PLCL2: variants seen among roughly 807,000 people sequenced by gnomAD.
PLCL2 encodes phospholipase C like 2.
PLCL2 carries 4 observed loss-of-function variants against 79.6 expected under a neutral mutation model. That is an observed-to-expected ratio of 0.05 (90% CI 0.02 to 0.11). PLCL2 has a LOEUF of 0.11. Ranked by LOEUF, PLCL2 falls within the 10% of genes least tolerant of loss-of-function variation. The pLI is 1.00. For missense variants in PLCL2, 895 were observed against 1,291.0 expected (o/e 0.69, Z 4.70); for synonymous variants, 484 against 457.7 (o/e 1.06, Z -0.73).
chr3:17,032,040 G>A (rs1403111001), intron 3 of PLCL2, among the ~76,000 whole-genome samples: 6 of 144,470 alleles, frequency 4.2e-5, no homozygotes, highest in Admixed American at 7.3e-5. Flanking sequence ...TGTTTATTTC[G>A]TGAAATAAGA....
rs150402220 is a variant in PLCL2 at position 17,009,131 on chromosome 3, C to G, written c.328-543C>G. On this transcript the variant is annotated intron_variant, in intron 1 of 5. Transcript: ENST00000615277. The surrounding 1 kb of genome is among the most constrained non-coding windows in gnomAD (Gnocchi z 4.0). ...TCCCGAGTAGGTGGGATTACAGGCA[C>G]CCGCCACCATGCCCGGCTAATTTTT... 3.3e-5 allele frequency among the ~76,000 whole-genome samples: 5 copies of G among 152,028 alleles called. No individual in the cohort carries two copies. The highest frequency in any genetic ancestry group is 2.1e-4 in the South Asian group (1 of 4,800).
intron 1 of PLCL2, among the ~76,000 whole-genome samples, chr3:16,976,628 G>C (rs1223936727): frequency 1.3e-5 from 2 of 152,124 alleles, no homozygotes; most frequent in South Asian, 2.1e-4. Flanking sequence ...GCCTAGCCAA[G>C]GTGACACGTA....
chr3:17,066,309 T>G (rs959123690), intron 4 of PLCL2, among the ~76,000 whole-genome samples: 2 of 152,276 alleles, frequency 1.3e-5, no homozygotes, highest in Admixed American at 6.5e-5. Flanking sequence ...CATACCTTAT[T>G]AGCATAACAG....
At chr3:17,057,133 T>C (rs770314025) in intron 4 of PLCL2, among the ~76,000 whole-genome samples, 7 of 152,166 alleles carry the variant, frequency 4.6e-5, no homozygotes, top group Non-Finnish European at 8.8e-5. Context: ...AAGCCAACAT[T>C]TACTAAAGCC....
chr3:17,086,798 G>T (rs2065224530), intron 5 of PLCL2, among the ~76,000 whole-genome samples: 1 of 152,022 alleles, frequency 6.6e-6, no homozygotes, highest in African/African-American at 2.4e-5. Flanking sequence ...CTTAAAAAAT[G>T]CAAAGAACCC....
At chr3:16,952,732 T>A (rs895321840) in intron 1 of PLCL2, among the ~76,000 whole-genome samples, 2 of 152,118 alleles carry the variant, frequency 1.3e-5, no homozygotes, top group Non-Finnish European at 2.9e-5. Context: ...TGATATAATT[T>A]AATTTTTTCT....
chr3:16,977,690 T>C (rs1203516273), intron 1 of PLCL2, among the ~76,000 whole-genome samples: 1 of 152,226 alleles, frequency 6.6e-6, no homozygotes, highest in Non-Finnish European at 1.5e-5. Flanking sequence ...GAAGTAATAC[T>C]CATTGGAGCC....
At chr3:16,996,206 A>G (rs1259738330) in intron 1 of PLCL2, among the ~76,000 whole-genome samples, 2 of 152,156 alleles carry the variant, frequency 1.3e-5, no homozygotes, top group Non-Finnish European at 2.9e-5. Context: ...GCACATGGAG[A>G]GCACTCAAGA....
At chr3:16,990,125 ATGG>A (rs2064089036) in intron 1 of PLCL2, among the ~76,000 whole-genome samples, 2 of 135,782 alleles carry the variant, frequency 1.5e-5, no homozygotes, top group Admixed American at 1.5e-4. Context: ...GATGACGATG[ATGG>A]TGATGATGAT....
rs1377476661 is a variant in PLCL2, at chr3:16,886,355, C to G, written c.327+989C>G. Among the ~76,000 whole-genome samples, 2 of 152,178 alleles carry G rather than the reference C, an allele frequency of 1.3e-5. No individual in the cohort carries two copies. Among genetic ancestry groups the G allele is most frequent in the Non-Finnish European group, 2.9e-5 (2 of 68,028 alleles). On this transcript the variant is annotated intron_variant, in intron 1 of 5. Transcript: ENST00000615277. The surrounding 1 kb of genome is among the most constrained non-coding windows in gnomAD (Gnocchi z 4.2). Reference sequence around the variant, plus strand: ...GACAGGGAGCAGCAAAGCAAATTGACAGGCTGCACCCACCCTTCCTGTGGC... The same window carrying G: ...GACAGGGAGCAGCAAAGCAAATTGAGAGGCTGCACCCACCCTTCCTGTGGC...
intron 1 of PLCL2, among the ~76,000 whole-genome samples, chr3:17,007,838 C>T (rs984004858): frequency 6.6e-6 from 1 of 152,176 alleles, no homozygotes; most frequent in African/African-American, 2.4e-5. Context: ...AATTCCAACT[C>T]CCATCCCTAT....
At chr3:16,965,633 T>C (rs939880703) in intron 1 of PLCL2, among the ~76,000 whole-genome samples, 19 of 152,144 alleles carry the variant, frequency 1.2e-4, no homozygotes, top group Non-Finnish European at 2.2e-4. Context: ...TTTCACGATA[T>C]TGATTCTTCC....
At chr3:16,940,078 A>G (rs1697641673) in intron 1 of PLCL2, among the ~76,000 whole-genome samples, 1 of 152,170 alleles carries the variant, frequency 6.6e-6, no homozygotes, top group African/African-American at 2.4e-5. Flanking sequence ...ACATGAAATG[A>G]CAGGAAGCCA....
At chr3:16,978,047 A>C (rs1410867439) in intron 1 of PLCL2, among the ~76,000 whole-genome samples, 1 of 152,238 alleles carries the variant, frequency 6.6e-6, no homozygotes, top group Non-Finnish European at 1.5e-5. Context: ...ATTGGGGATT[A>C]GGTTACAACA....
At chr3:16,895,174 T>C (rs1034602685) in intron 1 of PLCL2, among the ~76,000 whole-genome samples, 7 of 151,554 alleles carry the variant, frequency 4.6e-5, no homozygotes, top group African/African-American at 1.7e-4. Flanking sequence ...TCTTCTAGTA[T>C]GTGACTTGCT....
chr3:16,957,709 G>C (rs902284212), intron 1 of PLCL2, among the ~76,000 whole-genome samples: 6 of 152,280 alleles, frequency 3.9e-5, no homozygotes, highest in Middle Eastern at 6.8e-3. Flanking sequence ...GAATCTGGGT[G>C]CTCCTGTATT....
At chr3:16,990,321 C>G (rs1278210273) in intron 1 of PLCL2, among the ~76,000 whole-genome samples, 2 of 152,136 alleles carry the variant, frequency 1.3e-5, no homozygotes, top group Non-Finnish European at 1.5e-5. Flanking sequence ...CAGACCAGAG[C>G]CTGACACCCA....
chr3:16,947,348 G>C (rs2063612660), intron 1 of PLCL2, among the ~76,000 whole-genome samples: 1 of 152,196 alleles, frequency 6.6e-6, no homozygotes, highest in African/African-American at 2.4e-5. Flanking sequence ...TCTTACAGTT[G>C]TGAGATTGGA....
chr3:17,008,845 T>C (rs1443426148), intron 1 of PLCL2, among the ~76,000 whole-genome samples: 3 of 152,120 alleles, frequency 2.0e-5, no homozygotes. Context: ...TGAGACAGGA[T>C]CTTGTTCTGT....
Sources: gnomAD v4.1 joint callset for allele counts (sites outside exome capture counted in the v4.1 genomes callset) on GRCh38, gnomAD v4.1.1 for gene constraint, Gnocchi (gnomAD v3.1) non-coding constraint, MANE v1.5 for transcripts, NCBI Gene and HGNC (gene_info 2026-07-23, HGNC 2026-07-21) for gene names.